The following ZFAT variants were observed in gnomAD, a reference collection of about 807,000 sequenced individuals.
ZFAT encodes the protein zinc finger and AT-hook domain containing.
A neutral mutation model predicts 117.7 loss-of-function variants in ZFAT; 64 were observed. That is an observed-to-expected ratio of 0.54 (90% confidence interval 0.44 to 0.67). The LOEUF (loss-of-function observed/expected upper bound fraction) is 0.67. Among genes scored for constraint, ZFAT ranks in the 30% least tolerant of loss-of-function variants. ZFAT has a pLI of 0.00. For missense variants in ZFAT, 1,433 were observed against 1,584.5 expected, an observed-to-expected ratio of 0.90 and a Z score of 1.62; for synonymous variants, 679 against 615.0, an observed-to-expected ratio of 1.10 and a Z score of -1.54.
chr8:134,511,383 C>T (rs1264830859), intron 14 of ZFAT, among the ~76,000 whole-genome samples: 1 of 152,160 alleles, frequency 6.6e-6, no homozygotes, highest in Non-Finnish European at 1.5e-5. Context: ...CTGAGAGCCA[C>T]ATTTAACAGC....
chr8:134,684,606 T>C (rs138621955), intron 1 of ZFAT, among the ~76,000 whole-genome samples: 368 of 152,240 alleles, frequency 2.4e-3, no homozygotes, highest in Middle Eastern at 0.01. Flanking sequence ...CTGGACAGGG[T>C]AGGGATATGT....
chr8:134,713,336 G>A (rs7820820), upstream of ZFAT, among the ~76,000 whole-genome samples: 4,522 of 152,330 alleles, frequency 0.03, 225 homozygotes, highest in African/African-American at 0.1. Context: ...AGCTGGGCGT[G>A]CAAGGAGAGT....
intron 9 of ZFAT, among the ~76,000 whole-genome samples, chr8:134,587,254 G>A (rs894648449): frequency 1.3e-5 from 2 of 152,016 alleles, no homozygotes; most frequent in African/African-American, 4.8e-5. Flanking sequence ...CTGCCTTCTC[G>A]GAATGGCCCT....
intron 6 of ZFAT, 113 bp from the exon 7 acceptor site, chr8:134,600,781 C>A: frequency 1.2e-6 from 1 of 859,526 alleles, no homozygotes. Context: ...TGCGCTTGTC[C>A]GGGTCACCCT....
chr8:134,561,771 C>G (rs915338335), intron 11 of ZFAT, among the ~76,000 whole-genome samples: 1 of 151,932 alleles, frequency 6.6e-6, no homozygotes, highest in African/African-American at 2.4e-5. Context: ...GTAAAAAAAG[C>G]GAGACTTGAT....
At chr8:134,621,730 C>A (rs1288362212) in intron 3 of ZFAT, among the ~76,000 whole-genome samples, 1 of 152,152 alleles carries the variant, frequency 6.6e-6, no homozygotes, top group Non-Finnish European at 1.5e-5. Flanking sequence ...TGAATGAGCT[C>A]CCTGCCAGCC....
rs773521751 is a variant in ZFAT at position 134,601,586 on chromosome 8, G to A, written c.2133C>T (p.Gly711=). The A allele has an allele frequency of 6.2e-7, 1 of 1,614,262 alleles. No homozygotes were observed. Among genetic ancestry groups the A allele is most frequent in the Non-Finnish European group, 8.5e-7 (1 of 1,180,056 alleles). ...SCKAAPEHRS[G]ITAFMKVLNS... is the part of the protein sequence containing the mutation. ...TCAGGACCTTCATGAAAGCGGTGATGCCTGACCGGTGCTCAGGGGCAGCTT... is the reference window on the plus strand; with the variant it reads ...TCAGGACCTTCATGAAAGCGGTGATACCTGACCGGTGCTCAGGGGCAGCTT... The change falls in exon 6 of 16, where the codon GGC becomes GGT. Residue 711 remains glycine (G), a synonymous_variant. Coordinates refer to ENST00000377838, the MANE Select transcript of ZFAT (RefSeq NM_020863.4).
chr8:134,810,934 T>C, the ZFAT span, among the ~76,000 whole-genome samples: 1 of 151,466 alleles, frequency 6.6e-6, no homozygotes, highest in Non-Finnish European at 1.5e-5. Context: ...TTAACTAACA[T>C]GGGGGGGAAA....
At chr8:134,624,690 A>C (rs1372853108) in intron 3 of ZFAT, among the ~76,000 whole-genome samples, 2 of 152,124 alleles carry the variant, frequency 1.3e-5, no homozygotes, top group Non-Finnish European at 2.9e-5. Context: ...TTTGTTTTCC[A>C]GCCCTACACT....
At chr8:134,688,661 C>T (rs528644413) in intron 1 of ZFAT, among the ~76,000 whole-genome samples, 4 of 152,188 alleles carry the variant, frequency 2.6e-5, no homozygotes, top group South Asian at 4.1e-4. Flanking sequence ...GGAATTGTCA[C>T]CCAGTTCCAG....
In ZFAT at chr8:134,670,957, A is replaced by G. The variant is rs181725800; in HGVS notation, c.20-13220T>C. 6.5e-3 allele frequency among the ~76,000 whole-genome samples: 991 copies of G among 152,352 alleles called. 11 individuals carry two copies. Among genetic ancestry groups the G allele is most frequent in the African/African-American group, 0.022 (927 of 41,578 alleles). ...TCCCACAGAAATACAAACTACCATC[A>G]GAGAATACTATAAACACCTCTATGT... is the stretch of plus-strand genomic sequence containing the variant. On this transcript the variant is annotated intron_variant, in intron 1 of 15. Coordinates refer to ENST00000377838, the MANE Select transcript of ZFAT (RefSeq NM_020863.4).
At chr8:134,606,569 A>G (rs1827901229) in intron 5 of ZFAT, among the ~76,000 whole-genome samples, 1 of 152,022 alleles carries the variant, frequency 6.6e-6, no homozygotes. Context: ...CCAAAAAAAA[A>G]GCTGGCCGTG....
At chr8:134,687,590 G>A (rs1833385293) in intron 1 of ZFAT, among the ~76,000 whole-genome samples, 1 of 152,088 alleles carries the variant, frequency 6.6e-6, no homozygotes, top group South Asian at 2.1e-4. Flanking sequence ...GAGAGCAGAT[G>A]TGTGGGAAGC....
intron 11 of ZFAT, among the ~76,000 whole-genome samples, chr8:134,556,944 T>G (rs1241728657): frequency 6.6e-6 from 1 of 151,972 alleles, no homozygotes; most frequent in Admixed American, 6.5e-5. Flanking sequence ...TTTTTAATTT[T>G]AAATATTTTT....
chr8:134,826,674 A>C, the ZFAT span, among the ~76,000 whole-genome samples: 2 of 152,246 alleles, frequency 1.3e-5, no homozygotes, highest in Non-Finnish European at 2.9e-5. Flanking sequence ...AGAGATATTA[A>C]ATTATACATA....
At chr8:134,600,259 C>T in intron 7 of ZFAT, 177 bp downstream of exon 7, 1 of 683,136 alleles carries the variant, frequency 1.5e-6, no homozygotes, top group South Asian at 1.8e-5. Flanking sequence ...GTATTAGAGA[C>T]TCTTGCTGTG....
the ZFAT span, chr8:134,796,944 G>A: frequency 6.6e-6 from 1 of 152,130 alleles, no homozygotes; most frequent in Non-Finnish European, 1.5e-5. Flanking sequence ...CAGTGACATA[G>A]TCTGGTCACT....
intron 15 of ZFAT, among the ~76,000 whole-genome samples, chr8:134,492,536 G>A (rs1396832325): frequency 6.6e-6 from 1 of 152,182 alleles, no homozygotes; most frequent in African/African-American, 2.4e-5. Context: ...TAAGCTCTGG[G>A]GAAGAAGCCT....
At chr8:134,623,808 T>A (rs1355364948) in intron 3 of ZFAT, among the ~76,000 whole-genome samples, 1 of 151,868 alleles carries the variant, frequency 6.6e-6, no homozygotes, top group East Asian at 1.9e-4. Context: ...GCCCCACTCT[T>A]CAGTGCTCGA....
Sources: allele counts gnomAD v4.1 joint callset (sites outside exome capture counted in the v4.1 genomes callset), GRCh38; gene constraint gnomAD v4.1.1; transcripts MANE v1.5; gene names NCBI Gene and HGNC (gene_info 2026-07-23, HGNC 2026-07-21).